TTC38: variants seen among roughly 807,000 people sequenced by gnomAD.
The protein encoded by TTC38 is tetratricopeptide repeat protein 38.
Under a neutral mutation model 64.2 loss-of-function variants are expected in TTC38, and 64 were observed. The observed-to-expected ratio is 1.00, with a 90% confidence interval of 0.81 to 1.23. The LOEUF (loss-of-function observed/expected upper bound fraction) is 1.23. Ranked by LOEUF, TTC38 falls within the 50% of genes most tolerant of loss-of-function variation. TTC38 has a pLI of 0.00. For synonymous variants in TTC38, 254 were observed against 249.3 expected (o/e 1.02, Z -0.18); for missense variants, 573 against 615.5 (o/e 0.93, Z 0.73).
rs559332043 is a variant in TTC38 at position 46,268,881 on chromosome 22, G to A, written c.111+290G>A. ...TTTTGTATTTTTTAGTAGAGACGGGGTTTCACCGTGTTAGCCAGGATGGTC... is the reference window on the plus strand; with the variant it reads ...TTTTGTATTTTTTAGTAGAGACGGGATTTCACCGTGTTAGCCAGGATGGTC... On this transcript the variant is annotated intron_variant, in intron 2 of 13. Coordinates refer to ENST00000381031, the MANE Select transcript of TTC38 (RefSeq NM_017931.4). The A allele has an allele frequency of 7.9e-4, 291 of 366,680 alleles. 4 individuals are homozygous for A. Among genetic ancestry groups the A allele is most frequent in the African/African-American group, 5.7e-3 (271 of 47,374 alleles). 22.7% of individuals were successfully genotyped at this position (366,680 alleles called of 1,614,324 possible).
At position 46,293,078 on chromosome 22, in the gene TTC38, G is replaced by A. The variant is rs979222380; in HGVS notation, c.*194G>A. The A allele has an allele frequency of 2.5e-5, 14 of 571,036 alleles. No homozygotes were observed. Among genetic ancestry groups the A allele is most frequent in the Middle Eastern group, 9.6e-4 (2 of 2,088 alleles). 35.4% of individuals were successfully genotyped at this position (571,036 alleles called of 1,614,324 possible). ...GATTCCGAATCTCCTTTCAGTCCTC[G>A]AGAAGGGCCAATGAGCATTTTTCAG... On this transcript the variant is annotated 3_prime_UTR_variant, in exon 14 of 14. Transcript: ENST00000381031. This position sits in a 1 kb window ranked among gnomAD's most constrained non-coding sequence, Gnocchi z 6.6.
rs558436117 is a variant in TTC38 at position 46,268,663 on chromosome 22, T to A, written c.111+72T>A. The A allele has an allele frequency of 1.5e-4, 220 of 1,424,558 alleles. 1 individual carries two copies. The highest frequency in any genetic ancestry group is 8.8e-4 in the Middle Eastern group (5 of 5,662). 88.2% of individuals were successfully genotyped at this position (1,424,558 alleles called of 1,614,324 possible). A position where few individuals can be genotyped will look rare whatever the true frequency, so the allele number is the denominator to read the frequency against. Reference sequence around the variant, plus strand: ...GGAAGGTTTTTTAATTGGGGAAAGCTGTTTTTTTGTTTTGTTTTGTTTTGT... The same window carrying A: ...GGAAGGTTTTTTAATTGGGGAAAGCAGTTTTTTTGTTTTGTTTTGTTTTGT... On this transcript the variant is annotated intron_variant, in intron 2 of 13. Transcript: ENST00000381031.
chr22:46,278,289 C>T (rs2077507767), intron 5 of TTC38, among the ~76,000 whole-genome samples: 1 of 152,176 alleles, frequency 6.6e-6, no homozygotes, highest in Non-Finnish European at 1.5e-5. Context: ...CCCAGAGTTC[C>T]TTGAAGTCCC....
In TTC38 at chr22:46,272,454, C is replaced by T. The variant is rs1260172909; in HGVS notation, c.193+38C>T. The T allele has an allele frequency of 6.5e-7, 1 of 1,527,848 alleles. No homozygotes were observed. The highest frequency in any genetic ancestry group is 2.3e-5 in the East Asian group (1 of 44,400). 94.6% of individuals were successfully genotyped at this position (1,527,848 alleles called of 1,614,324 possible). On this transcript the variant is annotated intron_variant, in intron 3 of 13. Transcript: ENST00000381031. The surrounding 1 kb of genome is among the most constrained non-coding windows in gnomAD (Gnocchi z 6.4). Reference sequence around the variant, plus strand: ...TTCCCTGGGTGGAGGAGCCCCGCTTCACACATCCAGCCCCTCTCTTTCCTT... The same window carrying T: ...TTCCCTGGGTGGAGGAGCCCCGCTTTACACATCCAGCCCCTCTCTTTCCTT...
intron 6 of TTC38, chr22:46,280,159 T>A (rs935551577): frequency 2.1e-6 from 1 of 471,154 alleles, no homozygotes; most frequent in Admixed American, 2.3e-5. Flanking sequence ...TGGTAACACA[T>A]GGGCTCTGTG....
chr22:46,288,541 C>A lies in TTC38; in HGVS notation c.1035C>A (p.Asp345Glu). 1 of 1,613,892 alleles carries A rather than the reference C, an allele frequency of 6.2e-7. No homozygotes were observed. The highest frequency in any genetic ancestry group is 8.5e-7 in the Non-Finnish European group (1 of 1,179,876). Residue 345 changes from aspartate (D) to glutamate (E), a missense_variant, in exon 11 of 14, where the codon GAC (aspartate) becomes GAA (glutamate). This residue lies in a region of TTC38 where 371 missense variants were observed against 381.8 expected (regional missense o/e 0.97). Transcript: ENST00000381031. ...HFLMASLGAH[D>E]PQTTQELLTT... Reference sequence around the variant, plus strand: ...TGATGGCATCCCTGGGTGCACACGACCCCCAGACCACACAGGAGCTGCTGA... The same window carrying A: ...TGATGGCATCCCTGGGTGCACACGAACCCCAGACCACACAGGAGCTGCTGA...
chr22:46,289,774 G>A lies in TTC38; in HGVS notation c.1243-52G>A, dbSNP rs200861285. On this transcript the variant is annotated intron_variant, in intron 12 of 13. Coordinates refer to ENST00000381031, the MANE Select transcript of TTC38 (RefSeq NM_017931.4). ...GGCAGCCCGCGGTGGGCGGGGGCTC[G>A]CCTCCCCCATCCTGAGGTACAGGAG... 2.0e-4 allele frequency: 316 copies of A among 1,584,306 alleles called. 2 individuals are homozygous for A. The highest frequency in any genetic ancestry group is 2.8e-4 in the Admixed American group (17 of 59,994).
At chr22:46,287,253 G>A (rs779145780) in intron 10 of TTC38, 99 bp downstream of exon 10, 3 of 1,067,058 alleles carry the variant, frequency 2.8e-6, no homozygotes, top group Non-Finnish European at 4.0e-6. Flanking sequence ...AGAGCTCATG[G>A]GTGAGCCGCT....
In TTC38 at chr22:46,281,103, T is replaced by A. The variant is rs927004894; in HGVS notation, c.616-496T>A. On this transcript the variant is annotated intron_variant, in intron 6 of 13. Coordinates refer to ENST00000381031, the MANE Select transcript of TTC38 (RefSeq NM_017931.4). The surrounding 1 kb of genome is among the most constrained non-coding windows in gnomAD (Gnocchi z 5.2). ...TCTGCACCCAGAAAGCCACGTGTCCTCACATATATGGTAGTGGGAAGAGGC... is the reference window on the plus strand; with the variant it reads ...TCTGCACCCAGAAAGCCACGTGTCCACACATATATGGTAGTGGGAAGAGGC... Among the ~76,000 whole-genome samples the A allele has an allele frequency of 2.0e-5, 3 of 152,210 alleles. No homozygotes were observed. Among genetic ancestry groups the A allele is most frequent in the Non-Finnish European group, 4.4e-5 (3 of 68,046 alleles).
In TTC38 at chr22:46,272,779, G is replaced by A. The variant is rs541481109; in HGVS notation, c.193+363G>A. The stretch of plus-strand genomic sequence containing the variant: ...CCCCTGGGATTAGATAAAGCTTCCT[G>A]AATCCAAGGCCCAGACCCCTGGAAC... On this transcript the variant is annotated intron_variant, in intron 3 of 13. Transcript: ENST00000381031. The surrounding 1 kb of genome is among the most constrained non-coding windows in gnomAD (Gnocchi z 6.4). Among the ~76,000 whole-genome samples, 48 of 152,278 alleles carry A rather than the reference G, an allele frequency of 3.2e-4. No individual in the cohort carries two copies. The highest frequency in any genetic ancestry group is 9.9e-4 in the African/African-American group (41 of 41,554).
chr22:46,279,537 G>T (rs1273991654), intron 6 of TTC38, among the ~76,000 whole-genome samples: 1 of 152,242 alleles, frequency 6.6e-6, no homozygotes, highest in African/African-American at 2.4e-5. Context: ...TCAGCTGCCT[G>T]CTCCAGGCCC....
chr22:46,278,377 C>T (rs1482475031), intron 5 of TTC38, among the ~76,000 whole-genome samples: 1 of 152,196 alleles, frequency 6.6e-6, no homozygotes, highest in African/African-American at 2.4e-5. Flanking sequence ...ACACGGCCCT[C>T]TTGTAAGGAC....
chr22:46,292,927 G>T lies in TTC38; in HGVS notation c.*43G>T. On this transcript the variant is annotated 3_prime_UTR_variant, in exon 14 of 14. Coordinates refer to ENST00000381031, the MANE Select transcript of TTC38 (RefSeq NM_017931.4). This position sits in a 1 kb window ranked among gnomAD's most constrained non-coding sequence, Gnocchi z 6.5. ...CACCCTGCAGAACCTCAGTGGTGGC[G>T]TCACTGCGTCCAGTCAGCTGCTCCA... 1 of 1,479,820 alleles carries T rather than the reference G, an allele frequency of 6.8e-7. No individual in the cohort carries two copies. The highest frequency in any genetic ancestry group is 9.4e-7 in the Non-Finnish European group (1 of 1,060,228). 91.7% of individuals were successfully genotyped at this position (1,479,820 alleles called of 1,614,324 possible). A position where few individuals can be genotyped will look rare whatever the true frequency, so the allele number is the denominator to read the frequency against.
rs181304471 is a variant in TTC38 at position 46,292,364 on chromosome 22, C to A, written c.1317-427C>A. Reference sequence around the variant, plus strand: ...ACACCTATCTCTTCTTATAAGGGCACTAATCCCATTCACAAGGGCCCCACC... The same window carrying A: ...ACACCTATCTCTTCTTATAAGGGCAATAATCCCATTCACAAGGGCCCCACC... On this transcript the variant is annotated intron_variant, in intron 13 of 13. Transcript: ENST00000381031. The surrounding 1 kb of genome is among the most constrained non-coding windows in gnomAD (Gnocchi z 6.5). 1.5e-4 allele frequency: 49 copies of A among 321,614 alleles called. No homozygotes were observed. In the Admixed American group the frequency reaches 1.8e-3, roughly 12 times the overall value. 19.9% of individuals were successfully genotyped at this position (321,614 alleles called of 1,614,324 possible).
Position 46,278,610 on chromosome 22 carries a change from T to G in TTC38, c.564T>G (p.Phe188Leu), listed in dbSNP as rs759384038. The G allele has an allele frequency of 2.0e-5, 33 of 1,614,164 alleles. 1 individual carries two copies. Among genetic ancestry groups the G allele is most frequent in the Non-Finnish European group, 2.2e-5 (26 of 1,180,018 alleles). Reference protein sequence around the residue: ...LSSYVKGIYSFGLMETNFYDQ... With the variant: ...LSSYVKGIYSLGLMETNFYDQ... ...GCTATGTGAAAGGCATCTACTCTTTTGGCTTGATGGAAACCAACTTCTACG... is the reference window on the plus strand; with the variant it reads ...GCTATGTGAAAGGCATCTACTCTTTGGGCTTGATGGAAACCAACTTCTACG... Residue 188 changes from phenylalanine to leucine, a missense_variant, in exon 6 of 14, where the codon TTT (phenylalanine) becomes TTG (leucine). Phe to Leu is a conservative substitution (Grantham distance 22). This residue lies in a region of TTC38 where 371 missense variants were observed against 381.8 expected (regional missense o/e 0.97). Transcript: ENST00000381031.
chr22:46,287,261 G>A (rs149830749), intron 10 of TTC38, 107 bp downstream of exon 10: 23 of 931,642 alleles, frequency 2.5e-5, no homozygotes, highest in East Asian at 2.2e-4. Context: ...TGGGTGAGCC[G>A]CTCCAGACCC....
rs182304036 is a variant in TTC38, at chr22:46,271,020, A to G, written c.112-1315A>G. On this transcript the variant is annotated intron_variant, in intron 2 of 13. Transcript: ENST00000381031. The surrounding 1 kb of genome is among the most constrained non-coding windows in gnomAD (Gnocchi z 5.5). ...GGGCAAGATTCTGTCTCAATTAAAA[A>G]AAAAATGATAAAATGAGCTTTGGGT... Among the ~76,000 whole-genome samples the G allele has an allele frequency of 6.9e-3, 1,053 of 152,242 alleles. 7 individuals carry two copies. Among genetic ancestry groups the G allele is most frequent in the Non-Finnish European group, 0.011 (764 of 68,026 alleles).
In TTC38 at chr22:46,289,838, A is replaced by G; in HGVS notation, c.1255A>G (p.Asn419Asp). 6.2e-7 allele frequency: 1 copy of G among 1,614,174 alleles called. No individual in the cohort carries two copies. Among genetic ancestry groups the G allele is most frequent in the South Asian group, 1.1e-5 (1 of 91,090 alleles). The change falls in exon 13 of 14, where the codon AAC (asparagine) becomes GAC (aspartate). Residue 419 changes from asparagine (N) to aspartate (D), a missense_variant. This residue lies in a region of TTC38 where 371 missense variants were observed against 381.8 expected (regional missense o/e 0.97). Transcript: ENST00000381031. Reference protein sequence around the residue: ...GGSNAQRDVFNQLLIHAALNC... With the variant: ...GGSNAQRDVFDQLLIHAALNC... Reference sequence around the variant, plus strand: ...ATTGACATTTCAGAGAGACGTCTTCAACCAGCTGCTGATTCACGCGGCCTT... The same window carrying G: ...ATTGACATTTCAGAGAGACGTCTTCGACCAGCTGCTGATTCACGCGGCCTT...
At chr22:46,268,223 G>A in intron 1 of TTC38, 151 bp downstream of exon 1, 1 of 899,268 alleles carries the variant, frequency 1.1e-6, no homozygotes, top group Non-Finnish European at 1.6e-6. Flanking sequence ...CGCCTGGAAG[G>A]GACCCGAGGC....
Sources: allele counts gnomAD v4.1 joint callset (sites outside exome capture counted in the v4.1 genomes callset), GRCh38; gene constraint gnomAD v4.1.1; regional missense constraint gnomAD v4.1.1; non-coding constraint Gnocchi (gnomAD v3.1); transcripts MANE v1.5; gene names NCBI Gene and HGNC (gene_info 2026-07-23, HGNC 2026-07-21).